PGCKA1: variants seen among roughly 807,000 people sequenced by gnomAD.
PGCKA1 encodes the protein PDCD10 and GCKIII kinases-associated protein 1.
chr4:37,585,702 T>A, the PGCKA1 span, among the ~76,000 whole-genome samples: 1 of 151,946 alleles, frequency 6.6e-6, no homozygotes, highest in Admixed American at 6.6e-5. Flanking sequence ...AGCTCATCTA[T>A]GAATTATCAG....
chr4:37,504,883 C>A, the PGCKA1 span, among the ~76,000 whole-genome samples: 1 of 152,138 alleles, frequency 6.6e-6, no homozygotes, highest in African/African-American at 2.4e-5. Flanking sequence ...AATTTGACTT[C>A]TTCCTTTCAA....
chr4:37,588,273 G>A, the PGCKA1 span: 2 of 152,470 alleles, frequency 1.3e-5, no homozygotes, highest in African/African-American at 4.8e-5. Context: ...CCAGCGGTAG[G>A]AAAAGCAACA....
At chr4:37,552,306 G>A in the PGCKA1 span, among the ~76,000 whole-genome samples, 130 of 152,310 alleles carry the variant, frequency 8.5e-4, no homozygotes, top group African/African-American at 2.9e-3. Flanking sequence ...ACCCTTTCAT[G>A]TAAAATCTTT....
chr4:37,540,698 G>A, the PGCKA1 span, among the ~76,000 whole-genome samples: 1 of 152,066 alleles, frequency 6.6e-6, no homozygotes, highest in Non-Finnish European at 1.5e-5. Context: ...CGTATCCAAG[G>A]AAGATGTTGC....
At chr4:37,534,472 C>T in the PGCKA1 span, among the ~76,000 whole-genome samples, 11 of 152,196 alleles carry the variant, frequency 7.2e-5, no homozygotes, top group Admixed American at 6.5e-4. Context: ...ATTGAGTACC[C>T]ACTATGTGCT....
At chr4:37,561,734 G>T in the PGCKA1 span, among the ~76,000 whole-genome samples, 1 of 152,192 alleles carries the variant, frequency 6.6e-6, no homozygotes, top group East Asian at 1.9e-4. Context: ...CTGCACAATT[G>T]CTCTCAGGGG....
At chr4:37,579,889 T>C in the PGCKA1 span, among the ~76,000 whole-genome samples, 1 of 152,194 alleles carries the variant, frequency 6.6e-6, no homozygotes, top group Non-Finnish European at 1.5e-5. Flanking sequence ...TACTTCTCCT[T>C]ATGGCCAATA....
chr4:37,501,699 T>G, the PGCKA1 span, among the ~76,000 whole-genome samples: 1 of 152,234 alleles, frequency 6.6e-6, no homozygotes. Flanking sequence ...AAGGTTTCAA[T>G]GTACTCCTGC....
the PGCKA1 span, among the ~76,000 whole-genome samples, chr4:37,571,355 C>CATTTTTTTTTTTTTTTTTTTTTTTTTTT: frequency 1.3e-5 from 1 of 78,036 alleles, no homozygotes. Flanking sequence ...GACTATTATC[C>CATTTTTTTTTTTTTTTTTTTTTTTTTTT]TTTTTTTTTT....
the PGCKA1 span, among the ~76,000 whole-genome samples, chr4:37,541,119 GTTATTA>G: frequency 2.0e-5 from 3 of 152,054 alleles, no homozygotes; most frequent in South Asian, 6.2e-4. Context: ...GTTCCCACCA[GTTATTA>G]TTATGAACTG....
At chr4:37,543,943 C>T in the PGCKA1 span, among the ~76,000 whole-genome samples, 39 of 152,158 alleles carry the variant, frequency 2.6e-4, no homozygotes, top group Non-Finnish European at 5.0e-4. Flanking sequence ...TCACCATCAT[C>T]CTTGGTAATA....
the PGCKA1 span, among the ~76,000 whole-genome samples, chr4:37,579,300 A>G: frequency 5.3e-5 from 8 of 152,242 alleles, no homozygotes; most frequent in Admixed American, 5.2e-4. Context: ...AGACATTTAC[A>G]TACCACAGTT....
the PGCKA1 span, among the ~76,000 whole-genome samples, chr4:37,509,288 C>T: frequency 2.5e-4 from 31 of 123,568 alleles, 3 homozygotes; most frequent in Admixed American, 6.3e-4. Flanking sequence ...CCAGACAGGG[C>T]GGCTGCTGGG....
At chr4:37,519,531 A>G in the PGCKA1 span, among the ~76,000 whole-genome samples, 1 of 152,132 alleles carries the variant, frequency 6.6e-6, no homozygotes, top group African/African-American at 2.4e-5. Context: ...TAGTTATTGT[A>G]AACAATATTA....
the PGCKA1 span, among the ~76,000 whole-genome samples, chr4:37,583,530 A>G: frequency 1.1e-3 from 173 of 150,778 alleles, 1 homozygote; most frequent in African/African-American, 7.8e-4. Flanking sequence ...TCCGCCTCCC[A>G]GGTTCACGCC....
At chr4:37,541,374 T>A in the PGCKA1 span, among the ~76,000 whole-genome samples, 43,298 of 152,052 alleles carry the variant, frequency 0.28, 7,223 homozygotes, top group South Asian at 0.48. Context: ...GGTGCCCTTT[T>A]CCCTTCTTCT....
chr4:37,467,450 A>G, the PGCKA1 span, among the ~76,000 whole-genome samples: 1 of 152,182 alleles, frequency 6.6e-6, no homozygotes, highest in South Asian at 2.1e-4. Context: ...TTCTTCTATC[A>G]TAGAATCTTC....
chr4:37,465,060 A>G, the PGCKA1 span, among the ~76,000 whole-genome samples: 1 of 152,236 alleles, frequency 6.6e-6, no homozygotes, highest in African/African-American at 2.4e-5. Context: ...GAGTTTTCAA[A>G]ATAACAAAGG....
At chr4:37,533,929 T>C in the PGCKA1 span, among the ~76,000 whole-genome samples, 1 of 152,224 alleles carries the variant, frequency 6.6e-6, no homozygotes, top group Non-Finnish European at 1.5e-5. Flanking sequence ...ATTCAAAATA[T>C]GCCAGGTTCT....
Sources: gnomAD v4.1 joint callset for allele counts (sites outside exome capture counted in the v4.1 genomes callset) on GRCh38, gnomAD v4.1.1 for gene constraint, MANE v1.5 for transcripts, NCBI Gene and HGNC (gene_info 2026-07-23, HGNC 2026-07-21) for gene names.